DYM: variants seen among roughly 807,000 people sequenced by gnomAD.
DYM encodes the protein dymeclin.
Under a neutral mutation model 93.1 loss-of-function variants are expected in DYM, and 78 were observed. That is an observed-to-expected ratio of 0.84 (90% confidence interval 0.70 to 1.01). The LOEUF is 1.01. Ranked by LOEUF, DYM falls within the 50% of genes least tolerant of loss-of-function variation. The probability of loss-of-function intolerance (pLI) is 0.00; values close to 1 mark genes in which losing one functional copy is unlikely to be tolerated. For synonymous variants in DYM, 321 were observed against 319.7 expected, an observed-to-expected ratio of 1.00 and a Z score of -0.04; for missense variants, 789 against 845.0, an observed-to-expected ratio of 0.93 and a Z score of 0.82.
intron 10 of DYM, among the ~76,000 whole-genome samples, chr18:49,276,197 C>T (rs2094842954): frequency 1.3e-5 from 2 of 152,054 alleles, no homozygotes; most frequent in African/African-American, 4.8e-5. Context: ...ATGATGTGAG[C>T]TGTGGGGTTT....
At chr18:49,290,047 T>C (rs2060009321) in intron 8 of DYM, among the ~76,000 whole-genome samples, 1 of 151,158 alleles carries the variant, frequency 6.6e-6, no homozygotes, top group South Asian at 2.1e-4. Flanking sequence ...AAAATGCACA[T>C]ACTCATGAGC....
At chr18:49,310,729 C>G (rs1237326816) in intron 8 of DYM, among the ~76,000 whole-genome samples, 1 of 152,074 alleles carries the variant, frequency 6.6e-6, no homozygotes, top group Admixed American at 6.5e-5. Flanking sequence ...ATTCAATACA[C>G]TATAGAAAAT....
At chr18:49,145,132 T>TATATATATATATATATATAC in intron 15 of DYM, among the ~76,000 whole-genome samples, 1 of 116,910 alleles carries the variant, frequency 8.6e-6, no homozygotes, top group African/African-American at 3.6e-5. Context: ...TATATATATA[T>TATATATATATATATATATAC]ATAATTTATA....
chr18:49,107,765 A>C (rs1207893523), intron 16 of DYM, among the ~76,000 whole-genome samples: 1 of 152,070 alleles, frequency 6.6e-6, no homozygotes, highest in Non-Finnish European at 1.5e-5. Context: ...GTTCCTCTAG[A>C]AGTTTTGTCT....
intron 8 of DYM, among the ~76,000 whole-genome samples, chr18:49,302,818 A>G (rs1370262361): frequency 6.6e-6 from 1 of 152,196 alleles, no homozygotes; most frequent in African/African-American, 2.4e-5. Flanking sequence ...TGCTGTTCCA[A>G]CTCTAAAACT....
chr18:49,260,859 A>G (rs1325457690), intron 11 of DYM, among the ~76,000 whole-genome samples: 2 of 137,098 alleles, frequency 1.5e-5, no homozygotes, highest in Admixed American at 7.0e-5. Flanking sequence ...TCTCCGGGAG[A>G]AAAAAAAAAA....
At position 49,317,670 on chromosome 18, in the gene DYM, T is replaced by TC. The variant is rs1568237123; in HGVS notation, c.763+14193_763+14194insG. ...TCTCCTTCCTTCCTTCCTTCCTTCC[T>TC]TCCTTCCTTCCTTCCTTCCTTTCTT... On this transcript the variant is annotated intron_variant, in intron 8 of 17. Transcript: ENST00000675505. Among the ~76,000 whole-genome samples, 290 of 120,390 alleles carry TC rather than the reference T, an allele frequency of 2.4e-3. 2 individuals carry two copies. The highest frequency in any genetic ancestry group is 8.3e-3 in the African/African-American group (266 of 31,900). The allele number at this position is 120,390 out of a possible 152,430, so 79.0% of individuals were successfully genotyped here. A position where few individuals can be genotyped will look rare whatever the true frequency, so the allele number is the denominator to read the frequency against.
At chr18:49,168,905 C>G (rs2088277737) in intron 14 of DYM, among the ~76,000 whole-genome samples, 1 of 152,032 alleles carries the variant, frequency 6.6e-6, no homozygotes, top group Non-Finnish European at 1.5e-5. Flanking sequence ...TAGAAAGGCA[C>G]TGGGAGATTT....
chr18:49,193,057 G>A (rs1943001), intron 14 of DYM, among the ~76,000 whole-genome samples: 88,958 of 151,866 alleles, frequency 0.59, 28,526 homozygotes, highest in Non-Finnish European at 0.74. Context: ...TAATGTTCTC[G>A]TCACAAAAAA....
chr18:49,256,600 T>A (rs1195840842), intron 13 of DYM, among the ~76,000 whole-genome samples: 2 of 152,222 alleles, frequency 1.3e-5, no homozygotes, highest in Non-Finnish European at 2.9e-5. Context: ...TAATTTGTTA[T>A]GGCAACAATA....
intron 8 of DYM, among the ~76,000 whole-genome samples, chr18:49,311,218 C>T (rs1456567675): frequency 6.6e-6 from 1 of 152,142 alleles, no homozygotes; most frequent in African/African-American, 2.4e-5. Context: ...GTAAGTGGAA[C>T]TGAGGATCAA....
At chr18:49,289,727 G>GTATATATATATA (rs386387632) in intron 8 of DYM, among the ~76,000 whole-genome samples, 27 of 85,064 alleles carry the variant, frequency 3.2e-4, no homozygotes, top group Admixed American at 4.6e-4. Context: ...ATATATATGT[G>GTATATATATATA]TATATATATA....
At chr18:49,381,757 C>T (rs543966091) in intron 3 of DYM, among the ~76,000 whole-genome samples, 2 of 152,164 alleles carry the variant, frequency 1.3e-5, no homozygotes, top group Admixed American at 6.5e-5. Context: ...TGTCAATCAG[C>T]GGAGTTTTTA....
At chr18:49,370,288 A>C (rs1181068295) in intron 5 of DYM, among the ~76,000 whole-genome samples, 1 of 149,870 alleles carries the variant, frequency 6.7e-6, no homozygotes, top group Non-Finnish European at 1.5e-5. Context: ...CAGAAAAAAA[A>C]AAAAAAAAAA....
intron 3 of DYM, among the ~76,000 whole-genome samples, chr18:49,383,575 T>C (rs537767204): frequency 5.3e-5 from 8 of 152,338 alleles, no homozygotes; most frequent in Non-Finnish European, 1.5e-5. Flanking sequence ...AGGATCTATA[T>C]AAGCAACAGA....
At chr18:49,420,029 C>G (rs1018350077) in intron 2 of DYM, among the ~76,000 whole-genome samples, 5 of 152,126 alleles carry the variant, frequency 3.3e-5, no homozygotes, top group African/African-American at 1.2e-4. Flanking sequence ...TAGCTCATCC[C>G]CAGTATGACC....
chr18:49,454,073 A>G (rs1485916731), intron 1 of DYM, among the ~76,000 whole-genome samples: 1 of 152,190 alleles, frequency 6.6e-6, no homozygotes, highest in Non-Finnish European at 1.5e-5. Flanking sequence ...ACACACGGAC[A>G]TGCCTTTCTT....
chr18:49,302,645 A>T (rs890993635), intron 8 of DYM, among the ~76,000 whole-genome samples: 1 of 152,124 alleles, frequency 6.6e-6, no homozygotes, highest in Admixed American at 6.5e-5. Flanking sequence ...AGTAAGGGGG[A>T]AGGAAAACAG....
chr18:49,293,176 T>G (rs918886336), intron 8 of DYM, among the ~76,000 whole-genome samples: 5 of 152,316 alleles, frequency 3.3e-5, no homozygotes, highest in Admixed American at 2.6e-4. Flanking sequence ...TATGGCTGCA[T>G]AGTATTCCAT....
Sources: allele counts gnomAD v4.1 joint callset (sites outside exome capture counted in the v4.1 genomes callset), GRCh38; gene constraint gnomAD v4.1.1; transcripts MANE v1.5; gene names NCBI Gene and HGNC (gene_info 2026-07-23, HGNC 2026-07-21).